Variants in DLGAP2 observed in about 807,000 individuals in gnomAD.
DLGAP2 encodes disks large-associated protein 2.
In DLGAP2, 26 loss-of-function variants were observed where a neutral mutation model predicts 100.3. That is an observed-to-expected ratio of 0.26 (90% CI 0.19 to 0.36). The LOEUF (loss-of-function observed/expected upper bound fraction) is 0.36, where lower values mean the gene tolerates loss of function less well. DLGAP2 is among the 10% of genes least tolerant of loss of function. The pLI, the probability that DLGAP2 is intolerant of heterozygous loss-of-function variation, is 1.00. For missense variants in DLGAP2, 1,858 were observed against 1,453.2 expected (o/e 1.28, Z -4.53); for synonymous variants, 886 against 630.1 (o/e 1.41, Z -6.08).
At chr8:1,290,213 G>A (rs1235813861) in intron 3 of DLGAP2, among the ~76,000 whole-genome samples, 5 of 152,170 alleles carry the variant, frequency 3.3e-5, no homozygotes, top group Admixed American at 6.5e-5. Flanking sequence ...ACAAAATGAA[G>A]ACAGGGAGTT....
chr8:1,522,929 C>T (rs987667806), intron 4 of DLGAP2, among the ~76,000 whole-genome samples: 4 of 152,082 alleles, frequency 2.6e-5, no homozygotes, highest in African/African-American at 9.7e-5. Flanking sequence ...AGCTTTTTAC[C>T]TGGGTGACAG....
chr8:1,128,588 C>T (rs965860058), intron 2 of DLGAP2, among the ~76,000 whole-genome samples: 2 of 152,152 alleles, frequency 1.3e-5, no homozygotes, highest in Non-Finnish European at 2.9e-5. Flanking sequence ...GCTCAATCGC[C>T]GGGTTTGTAT....
At chr8:1,604,530 C>T (rs369644000) in intron 6 of DLGAP2, 1 of 42,410 alleles carries the variant, frequency 2.4e-5, no homozygotes, top group Admixed American at 2.5e-4. Flanking sequence ...CAGGAATCAA[C>T]ATTACATGCA....
At chr8:1,160,280 C>A (rs374774377) in intron 2 of DLGAP2, among the ~76,000 whole-genome samples, 1 of 152,170 alleles carries the variant, frequency 6.6e-6, no homozygotes, top group African/African-American at 2.4e-5. Flanking sequence ...GACATGCCCT[C>A]GGCAGTCAGT....
chr8:825,928 A>G (rs1277484062), intron 1 of DLGAP2, among the ~76,000 whole-genome samples: 1 of 152,240 alleles, frequency 6.6e-6, no homozygotes, highest in Non-Finnish European at 1.5e-5. Context: ...ATCAAATACT[A>G]GATTGTATTC....
chr8:1,701,387 A>T lies in DLGAP2; in HGVS notation c.3149A>T (p.Glu1050Val). ...RADSIEIYIP[E>V]AQTRL ...GACAGCATCGAGATCTACATCCCCG[A>T]GGCCCAGACCCGGCTCTGAGGGCGG... The change falls in exon 15 of 15, where the codon GAG becomes GTG. Residue 1050 changes from glutamate to valine, a missense_variant. Transcript: ENST00000637795. 6.3e-7 allele frequency: 1 copy of T among 1,595,438 alleles called. No individual in the cohort carries two copies. Among genetic ancestry groups the T allele is most frequent in the Non-Finnish European group, 8.5e-7 (1 of 1,172,056 alleles).
chr8:1,507,529 G>T (rs188178312), intron 4 of DLGAP2, among the ~76,000 whole-genome samples: 2,102 of 152,182 alleles, frequency 0.014, 48 homozygotes, highest in African/African-American at 0.047. Context: ...CCCGCAAGCA[G>T]AGGGAGCCGG....
intron 2 of DLGAP2, among the ~76,000 whole-genome samples, chr8:945,770 G>GCT (rs943744998): frequency 1.3e-5 from 2 of 151,912 alleles, no homozygotes; most frequent in South Asian, 2.1e-4. Context: ...TCTTGCTTTT[G>GCT]CTCTCTCTCT....
At chr8:1,349,027 A>G (rs1801639142) in intron 3 of DLGAP2, among the ~76,000 whole-genome samples, 1 of 151,796 alleles carries the variant, frequency 6.6e-6, no homozygotes, top group Non-Finnish European at 1.5e-5. Context: ...ATGGTGAGAT[A>G]AATTAGCTGC....
intron 4 of DLGAP2, among the ~76,000 whole-genome samples, chr8:1,524,155 G>C (rs1263404513): frequency 6.6e-6 from 1 of 152,118 alleles, no homozygotes; most frequent in Non-Finnish European, 1.5e-5. Context: ...AGACCAGAGT[G>C]GGCTTTTAAA....
chr8:1,178,630 T>C (rs1404363299), intron 2 of DLGAP2, among the ~76,000 whole-genome samples: 1 of 152,170 alleles, frequency 6.6e-6, no homozygotes, highest in African/African-American at 2.4e-5. Context: ...GCCCAGATTC[T>C]GAAGTATAAA....
chr8:1,443,791 C>G (rs1440641650), intron 3 of DLGAP2, among the ~76,000 whole-genome samples: 1 of 152,144 alleles, frequency 6.6e-6, no homozygotes, highest in South Asian at 2.1e-4. Context: ...TGGCCCCACC[C>G]TTGACACGTG....
At chr8:1,245,093 G>A (rs1027361980) in intron 2 of DLGAP2, among the ~76,000 whole-genome samples, 9 of 152,272 alleles carry the variant, frequency 5.9e-5, no homozygotes, top group Admixed American at 2.0e-4. Context: ...ACAGACAATC[G>A]TAAGTGCTGG....
intron 2 of DLGAP2, among the ~76,000 whole-genome samples, chr8:1,083,391 C>T (rs548928287): frequency 1.3e-5 from 2 of 152,302 alleles, no homozygotes; most frequent in South Asian, 4.1e-4. Context: ...GTTTCTAAAT[C>T]TTCCTTTCTT....
At chr8:1,595,207 A>G (rs1460130821) in intron 6 of DLGAP2, among the ~76,000 whole-genome samples, 1 of 151,978 alleles carries the variant, frequency 6.6e-6, no homozygotes, top group Non-Finnish European at 1.5e-5. Context: ...CACCTGGCTA[A>G]TTTTTGTATT....
At chr8:1,446,305 C>T (rs1196259003) in intron 3 of DLGAP2, among the ~76,000 whole-genome samples, 1 of 152,064 alleles carries the variant, frequency 6.6e-6, no homozygotes, top group Non-Finnish European at 1.5e-5. Context: ...CAGCTTTCTA[C>T]ATATGGCTAG....
At chr8:1,068,164 A>G (rs1056205041) in intron 2 of DLGAP2, among the ~76,000 whole-genome samples, 17 of 152,148 alleles carry the variant, frequency 1.1e-4, no homozygotes, top group African/African-American at 3.6e-4. Flanking sequence ...AGTGAGTGCT[A>G]TTCCACTGTC....
At chr8:1,080,564 G>T (rs958162296) in intron 2 of DLGAP2, among the ~76,000 whole-genome samples, 1 of 152,174 alleles carries the variant, frequency 6.6e-6, no homozygotes, top group African/African-American at 2.4e-5. Flanking sequence ...CTGAAGTGGG[G>T]TGGGAAAGCT....
chr8:1,005,664 C>T (rs1394087158), intron 2 of DLGAP2, among the ~76,000 whole-genome samples: 1 of 151,604 alleles, frequency 6.6e-6, no homozygotes, highest in African/African-American at 2.4e-5. Context: ...AAGTGATTCT[C>T]CTGCCTTGGA....
Sources: gnomAD v4.1 joint callset for allele counts (sites outside exome capture counted in the v4.1 genomes callset) on GRCh38, gnomAD v4.1.1 for gene constraint, MANE v1.5 for transcripts, NCBI Gene and HGNC (gene_info 2026-07-23, HGNC 2026-07-21) for gene names.